Variants in GLRX3 observed in about 807,000 individuals in gnomAD.
The protein encoded by GLRX3 is glutaredoxin 3, also known as glutaredoxin-3.
GLRX3 carries 22 observed loss-of-function variants against 49.5 expected under a neutral mutation model. The ratio of observed to expected loss-of-function variants is 0.44; its 90% CI spans 0.32 to 0.63. The LOEUF is 0.63. Among genes scored for constraint, GLRX3 ranks in the 30% least tolerant of loss-of-function variants. GLRX3 has a pLI of 0.05. For missense variants in GLRX3, 385 were observed against 396.3 expected (o/e 0.97, Z 0.24); for synonymous variants, 133 against 140.0 (o/e 0.95, Z 0.35).
At chr10:130,151,576 G>T (rs1393781298) in intron 2 of GLRX3, among the ~76,000 whole-genome samples, 1 of 151,512 alleles carries the variant, frequency 6.6e-6, no homozygotes, top group Non-Finnish European at 1.5e-5. Context: ...CTGTGTCCAT[G>T]TGTTCTCATT....
At chr10:130,158,647 C>G (rs916048521) in intron 2 of GLRX3, among the ~76,000 whole-genome samples, 1 of 152,106 alleles carries the variant, frequency 6.6e-6, no homozygotes, top group Non-Finnish European at 1.5e-5. Context: ...TAGGCATGCC[C>G]TAGTCATTAA....
chr10:130,139,641 C>CA (rs530321909), intron 1 of GLRX3, among the ~76,000 whole-genome samples: 2,946 of 100,434 alleles, frequency 0.029, 98 homozygotes, highest in African/African-American at 0.098. Flanking sequence ...GACTCCATCT[C>CA]AAAAAAAAAA....
intron 2 of GLRX3, among the ~76,000 whole-genome samples, chr10:130,155,680 G>C (rs565055003): frequency 6.6e-6 from 1 of 152,186 alleles, no homozygotes; most frequent in South Asian, 2.1e-4. Context: ...GTATAGTCTG[G>C]AGGTGAGGGG....
chr10:130,167,955 G>A (rs768466152), intron 6 of GLRX3, among the ~76,000 whole-genome samples: 1 of 152,046 alleles, frequency 6.6e-6, no homozygotes, highest in Non-Finnish European at 1.5e-5. Context: ...GATGCCCTTG[G>A]CCCATGGAGG....
intron 2 of GLRX3, 119 bp from the exon 3 acceptor site, chr10:130,159,876 C>A: frequency 7.5e-7 from 1 of 1,337,740 alleles, no homozygotes; most frequent in Non-Finnish European, 1.0e-6. Context: ...AACTTTTGTA[C>A]CATGCTCTTT....
chr10:130,167,831 G>A (rs528875712), intron 6 of GLRX3, among the ~76,000 whole-genome samples: 27 of 152,174 alleles, frequency 1.8e-4, no homozygotes, highest in African/African-American at 5.8e-4. Flanking sequence ...TTTGAGTGCC[G>A]CATTCTGTCC....
chr10:130,145,123 T>G (rs1384012123), intron 1 of GLRX3, 88 bp from the exon 2 acceptor site: 1 of 549,176 alleles, frequency 1.8e-6, no homozygotes, highest in Non-Finnish European at 3.2e-6. Flanking sequence ...TAAAGCTTTC[T>G]TTTTTTTCTT....
intron 4 of GLRX3, among the ~76,000 whole-genome samples, chr10:130,161,874 C>A (rs561595578): frequency 2.0e-5 from 3 of 152,134 alleles, no homozygotes; most frequent in Non-Finnish European, 4.4e-5. Flanking sequence ...ATAAAGATAG[C>A]CAAGCTTCTA....
intron 1 of GLRX3, among the ~76,000 whole-genome samples, chr10:130,143,096 A>T (rs1461773619): frequency 6.6e-6 from 1 of 152,204 alleles, no homozygotes; most frequent in Non-Finnish European, 1.5e-5. Flanking sequence ...GATTTGAGGC[A>T]TAGTGCCACC....
chr10:130,171,038 G>C (rs1862796597), intron 7 of GLRX3, among the ~76,000 whole-genome samples: 1 of 151,996 alleles, frequency 6.6e-6, no homozygotes, highest in Non-Finnish European at 1.5e-5. Flanking sequence ...TGAGGCAGGA[G>C]AATCGCTTGA....
intron 7 of GLRX3, 136 bp downstream of exon 7, chr10:130,169,626 G>T (rs1322801859): frequency 9.5e-6 from 6 of 631,860 alleles, no homozygotes; most frequent in Non-Finnish European, 1.7e-5. Context: ...CGCCTTAATT[G>T]GTGCTTACGG....
At chr10:130,152,995 C>G (rs914401336) in intron 2 of GLRX3, among the ~76,000 whole-genome samples, 1 of 152,082 alleles carries the variant, frequency 6.6e-6, no homozygotes, top group Non-Finnish European at 1.5e-5. Flanking sequence ...AGGCTTTGTT[C>G]GTTTCTTTTC....
In GLRX3 at chr10:130,160,966, T is replaced by C. The variant is rs1405411735; in HGVS notation, c.447T>C (p.Phe149=). The C allele has an allele frequency of 2.5e-6, 4 of 1,613,512 alleles. No homozygotes were observed. Among genetic ancestry groups the C allele is most frequent in the East Asian group, 2.2e-5 (1 of 44,882 alleles). ...CTCATGCTGCCCCCTGCATGCTGTTTATGAAAGGAACTCCTCAAGAACCAC... is the reference window on the plus strand; with the variant it reads ...CTCATGCTGCCCCCTGCATGCTGTTCATGAAAGGAACTCCTCAAGAACCAC... ...KLTHAAPCML[F]MKGTPQEPRC... The change falls in exon 4 of 11, where the codon TTT becomes TTC. Residue 149 remains phenylalanine (F), a synonymous_variant. Coordinates refer to ENST00000331244, the MANE Select transcript of GLRX3 (RefSeq NM_006541.5).
chr10:130,174,267 C>T (rs1037783678), intron 8 of GLRX3, among the ~76,000 whole-genome samples: 1 of 152,226 alleles, frequency 6.6e-6, no homozygotes, highest in African/African-American at 2.4e-5. Context: ...GCTGCTGAGC[C>T]CTCCAGCCTC....
intron 2 of GLRX3, among the ~76,000 whole-genome samples, chr10:130,157,789 T>C (rs967274355): frequency 6.6e-6 from 1 of 152,274 alleles, no homozygotes; most frequent in East Asian, 1.9e-4. Flanking sequence ...TCATGGTTTA[T>C]GGCACAGGGT....
rs538063780 is a variant in GLRX3, at chr10:130,145,239, C to T, written c.121C>T (p.Pro41Ser). Reference protein sequence around the residue: ...KSLLVVHFWAPWAPQCAQMNE... With the variant: ...KSLLVVHFWASWAPQCAQMNE... ...CCTCCTTGTGGTCCATTTCTGGGCA[C>T]CATGGGCTCCACAGTGTGCACAGAT... The change falls in exon 2 of 11, where the codon CCA becomes TCA. Residue 41 changes from proline to serine, a missense_variant. Pro to Ser is a moderately conservative substitution (Grantham distance 74, BLOSUM62 -1). Coordinates refer to ENST00000331244, the MANE Select transcript of GLRX3 (RefSeq NM_006541.5). The T allele has an allele frequency of 1.6e-5, 25 of 1,523,774 alleles. No homozygotes were observed. Among genetic ancestry groups the T allele is most frequent in the Non-Finnish European group, 1.9e-5 (21 of 1,105,824 alleles). The allele number at this position is 1,523,774 out of a possible 1,614,324, so 94.4% of individuals were successfully genotyped here. A position where few individuals can be genotyped will look rare whatever the true frequency, so the allele number is the denominator to read the frequency against.
intron 2 of GLRX3, 135 bp from the exon 3 acceptor site, chr10:130,159,860 G>T: frequency 7.4e-7 from 1 of 1,345,808 alleles, no homozygotes; most frequent in Admixed American, 2.6e-5. Context: ...ATGTAAATGT[G>T]TCATAAACTT....
At chr10:130,146,293 T>A (rs1003523650) in intron 2 of GLRX3, among the ~76,000 whole-genome samples, 16 of 152,066 alleles carry the variant, frequency 1.1e-4, no homozygotes, top group East Asian at 1.9e-4. Context: ...CAGGAAGGGG[T>A]ATGTAAATGC....
Position 130,136,523 on chromosome 10 carries a change from C to G in GLRX3, c.92+11C>G. The G allele has an allele frequency of 7.9e-7, 1 of 1,261,774 alleles. No individual in the cohort carries two copies. The highest frequency in any genetic ancestry group is 1.0e-6 in the Non-Finnish European group (1 of 996,544). The allele number at this position is 1,261,774 out of a possible 1,614,324, so 78.2% of individuals were successfully genotyped here. ...GCGCCTCAAAGCCAAGTAAGCGGGG[C>G]GGCGAGCGGTAGGAGTGAGGAGCCG... On this transcript the variant is annotated intron_variant, in intron 1 of 10. Transcript: ENST00000331244.
Sources: allele counts gnomAD v4.1 joint callset (sites outside exome capture counted in the v4.1 genomes callset), GRCh38; gene constraint gnomAD v4.1.1; transcripts MANE v1.5; gene names NCBI Gene and HGNC (gene_info 2026-07-23, HGNC 2026-07-21).